The following PHACTR2 variants were observed in gnomAD, a reference collection of about 807,000 sequenced individuals.
The protein encoded by PHACTR2 is phosphatase and actin regulator 2.
In PHACTR2, 30 loss-of-function variants were observed where a neutral mutation model predicts 76.0. The ratio of observed to expected loss-of-function variants is 0.39; its 90% CI spans 0.30 to 0.54. The LOEUF is 0.54. PHACTR2 is among the 20% of genes least tolerant of loss of function. The pLI is 0.61. For missense variants in PHACTR2, 696 were observed against 781.1 expected (o/e 0.89, Z 1.30); for synonymous variants, 292 against 292.5 (o/e 1.00, Z 0.02).
chr6:143,696,575 C>G lies in PHACTR2; in HGVS notation c.47-15441C>G, dbSNP rs1236713111. Reference sequence around the variant, plus strand: ...GACTCTGAAAGGTTGAATTACAGACCTAAGGTTACCAGCTAGGATGGGGAG... The same window carrying G: ...GACTCTGAAAGGTTGAATTACAGACGTAAGGTTACCAGCTAGGATGGGGAG... On this transcript the variant is annotated intron_variant, in intron 1 of 12. Transcript: ENST00000440869. This position sits in a 1 kb window ranked among gnomAD's most constrained non-coding sequence, Gnocchi z 4.1. Among the ~76,000 whole-genome samples, 2 of 152,124 alleles carry G rather than the reference C, an allele frequency of 1.3e-5. No individual in the cohort carries two copies. Among genetic ancestry groups the G allele is most frequent in the African/African-American group, 2.4e-5 (1 of 41,410 alleles).
chr6:143,675,372 C>T (rs191117327), upstream of PHACTR2, among the ~76,000 whole-genome samples: 6 of 152,248 alleles, frequency 3.9e-5, no homozygotes, highest in African/African-American at 7.2e-5. The surrounding 1 kb of genome is among the most constrained non-coding windows in gnomAD (Gnocchi z 4.9). Context: ...AGAAAAGTAG[C>T]GGTGTGCTGA....
At position 143,652,657 on chromosome 6, in the gene PHACTR2, G is replaced by A. The variant is rs1776785031; in HGVS notation, c.13+44335G>A. ...GACTGTTCTGCAAATGCCTGCTGCT[G>A]TTGTTAAGTGGCCTGTACCATCCTT... On this transcript the variant is annotated intron_variant, in intron 1 of 11. Transcript: ENST00000305766. The surrounding 1 kb of genome is among the most constrained non-coding windows in gnomAD (Gnocchi z 4.5). Among the ~76,000 whole-genome samples, 2 of 152,202 alleles carry A rather than the reference G, an allele frequency of 1.3e-5. No homozygotes were observed.
intron 1 of PHACTR2, among the ~76,000 whole-genome samples, chr6:143,582,447 T>C (rs1292190301): frequency 6.6e-6 from 1 of 152,172 alleles, no homozygotes; most frequent in Non-Finnish European, 1.5e-5. Context: ...GGAAACAGTT[T>C]GGTTGTTTAG....
rs539062170 is a variant in PHACTR2, at chr6:143,699,465, T to C, written c.47-12551T>C. Reference sequence around the variant, plus strand: ...TGTGCAAAGCCCACTTGCTCCTAAATGTAATCATTCTCTAGGAGTTTACCC... The same window carrying C: ...TGTGCAAAGCCCACTTGCTCCTAAACGTAATCATTCTCTAGGAGTTTACCC... On this transcript the variant is annotated intron_variant, in intron 1 of 12. Transcript: ENST00000440869. Among the ~76,000 whole-genome samples, 9 of 152,354 alleles carry C rather than the reference T, an allele frequency of 5.9e-5. 1 individual carries two copies. In the South Asian group the frequency reaches 1.9e-3, roughly 32 times the overall value.
chr6:143,711,189 G>T, intron 1 of PHACTR2: 2 of 351,032 alleles, frequency 5.7e-6, no homozygotes, highest in East Asian at 8.1e-5. Flanking sequence ...AAAAACTACT[G>T]TTTTGATTTT....
At chr6:143,588,293 G>A (rs979201882) in intron 1 of PHACTR2, among the ~76,000 whole-genome samples, 2 of 152,196 alleles carry the variant, frequency 1.3e-5, no homozygotes, top group African/African-American at 4.8e-5. Context: ...ACATTATGAT[G>A]TTGGAGAAAC....
chr6:143,618,792 G>A lies in PHACTR2; in HGVS notation c.13+10470G>A, dbSNP rs1199631843. The stretch of plus-strand genomic sequence containing the variant: ...TCCTCAACTCCTCTGGATAGAATGA[G>A]TGTTCTCACTCCTCTCCTCTCCTCC... On this transcript the variant is annotated intron_variant, in intron 1 of 11. Transcript: ENST00000305766. The surrounding 1 kb of genome is among the most constrained non-coding windows in gnomAD (Gnocchi z 5.2). 2.0e-5 allele frequency among the ~76,000 whole-genome samples: 3 copies of A among 152,050 alleles called. No individual in the cohort carries two copies. Among genetic ancestry groups the A allele is most frequent in the South Asian group, 4.1e-4 (2 of 4,826 alleles).
At chr6:143,779,444 G>A (rs1264718783) in intron 9 of PHACTR2, among the ~76,000 whole-genome samples, 1 of 151,860 alleles carries the variant, frequency 6.6e-6, no homozygotes, top group Non-Finnish European at 1.5e-5. Context: ...CGCCTCCTGG[G>A]TTCAAGTGAT....
In PHACTR2 at chr6:143,678,039, G is replaced by C; in HGVS notation, c.-125G>C. On this transcript the variant is annotated 5_prime_UTR_variant, in exon 1 of 13. Coordinates refer to ENST00000440869, the MANE Select transcript of PHACTR2 (RefSeq NM_001100164.2). This position sits in a 1 kb window ranked among gnomAD's most constrained non-coding sequence, Gnocchi z 6.2. ...GACCCGCGCGGGGTAGAAGGTGAGGGGACCCGGCGGGCCGCTCGGCACAGG... is the reference window on the plus strand; with the variant it reads ...GACCCGCGCGGGGTAGAAGGTGAGGCGACCCGGCGGGCCGCTCGGCACAGG... 1.3e-6 allele frequency: 2 copies of C among 1,520,668 alleles called. No individual in the cohort carries two copies. The highest frequency in any genetic ancestry group is 1.8e-6 in the Non-Finnish European group (2 of 1,131,190). 94.2% of individuals were successfully genotyped at this position (1,520,668 alleles called of 1,614,324 possible). A position where few individuals can be genotyped will look rare whatever the true frequency, so the allele number is the denominator to read the frequency against.
chr6:143,694,162 G>A (rs922957655), intron 1 of PHACTR2, among the ~76,000 whole-genome samples: 2 of 148,458 alleles, frequency 1.3e-5, no homozygotes, highest in African/African-American at 5.0e-5. Flanking sequence ...CTGCGACAGG[G>A]AGTGGGGAGG....
rs1779430522 is a variant in PHACTR2, at chr6:143,761,045, T to C, written c.694+405T>C. On this transcript the variant is annotated intron_variant, in intron 5 of 12. Coordinates refer to ENST00000440869, the MANE Select transcript of PHACTR2 (RefSeq NM_001100164.2). The surrounding 1 kb of genome is among the most constrained non-coding windows in gnomAD (Gnocchi z 5.2). ...TTTCAAAATATCTAAGGTTTGCATATAAAAATGTGACAATTATAACTTTGA... is the reference window on the plus strand; with the variant it reads ...TTTCAAAATATCTAAGGTTTGCATACAAAAATGTGACAATTATAACTTTGA... Among the ~76,000 whole-genome samples, 1 of 152,216 alleles carries C rather than the reference T, an allele frequency of 6.6e-6. No homozygotes were observed. The highest frequency in any genetic ancestry group is 2.4e-5 in the African/African-American group (1 of 41,450).
chr6:143,606,118 G>A (rs1006508333), upstream of PHACTR2, among the ~76,000 whole-genome samples: 2 of 152,126 alleles, frequency 1.3e-5, no homozygotes, highest in African/African-American at 4.8e-5. Context: ...AGCAGGATCT[G>A]GGAAGATTCT....
At chr6:143,551,522 A>G (rs928419658) in intron 1 of PHACTR2, among the ~76,000 whole-genome samples, 6 of 152,152 alleles carry the variant, frequency 3.9e-5, no homozygotes, top group African/African-American at 1.4e-4. Context: ...GACTAGAAAA[A>G]GGTAAGGCTG....
intron 1 of PHACTR2, among the ~76,000 whole-genome samples, chr6:143,590,319 C>T (rs1483958496): frequency 6.6e-6 from 1 of 152,098 alleles, no homozygotes; most frequent in African/African-American, 2.4e-5. Flanking sequence ...TTCATAAAAA[C>T]ATCACAGTGT....
Position 143,788,689 on chromosome 6 carries a change from T to C in PHACTR2, c.1708-84T>C, listed in dbSNP as rs1775609332. 1.0e-5 allele frequency: 11 copies of C among 1,054,436 alleles called. No individual in the cohort carries two copies. The South Asian group carries it at 2.1e-4, about 20-fold the overall frequency. 65.3% of individuals were successfully genotyped at this position (1,054,436 alleles called of 1,614,324 possible). A position where few individuals can be genotyped will look rare whatever the true frequency, so the allele number is the denominator to read the frequency against. ...AAAGTGACCTTATTTAACCATAACT[T>C]TGAAGTGTTCTCTATAGAAAACTTG... On this transcript the variant is annotated intron_variant, in intron 10 of 12. Coordinates refer to ENST00000440869, the MANE Select transcript of PHACTR2 (RefSeq NM_001100164.2).
At chr6:143,766,123 C>T (rs75527072) in intron 6 of PHACTR2, among the ~76,000 whole-genome samples, 1,656 of 152,306 alleles carry the variant, frequency 0.011, 28 homozygotes, top group African/African-American at 0.038. Flanking sequence ...CTTTACTTTA[C>T]CATTGTGCTT....
chr6:143,638,692 A>G (rs997175549), intron 1 of PHACTR2, among the ~76,000 whole-genome samples: 2 of 152,218 alleles, frequency 1.3e-5, no homozygotes, highest in Admixed American at 1.3e-4. Context: ...TGCTAAATAC[A>G]TACTTTTAAA....
chr6:143,681,863 C>A (rs1188831470), intron 1 of PHACTR2, among the ~76,000 whole-genome samples: 1 of 152,194 alleles, frequency 6.6e-6, no homozygotes, highest in Non-Finnish European at 1.5e-5. Flanking sequence ...TGGTGTTCCA[C>A]CGTTGCCAAA....
chr6:143,657,205 C>A (rs1455916870), intron 1 of PHACTR2, among the ~76,000 whole-genome samples: 1 of 151,636 alleles, frequency 6.6e-6, no homozygotes, highest in Non-Finnish European at 1.5e-5. Context: ...ACCTATGTAA[C>A]AAACTTGCAC....
Sources: gnomAD v4.1 joint callset for allele counts (sites outside exome capture counted in the v4.1 genomes callset) on GRCh38, gnomAD v4.1.1 for gene constraint, Gnocchi (gnomAD v3.1) non-coding constraint, MANE v1.5 for transcripts, NCBI Gene and HGNC (gene_info 2026-07-23, HGNC 2026-07-21) for gene names.